GRK5: variants seen among roughly 807,000 people sequenced by gnomAD.
The protein encoded by GRK5 is g protein-coupled receptor kinase GRK5.
Under a neutral mutation model 78.4 loss-of-function variants are expected in GRK5, and 40 were observed. The ratio of observed to expected loss-of-function variants is 0.51; its 90% CI spans 0.40 to 0.66. The LOEUF (loss-of-function observed/expected upper bound fraction) is 0.66. GRK5 is among the 30% of genes least tolerant of loss of function. GRK5 has a pLI of 0.00. For synonymous variants in GRK5, 289 were observed against 296.8 expected (o/e 0.97, Z 0.27); for missense variants, 598 against 759.9 (o/e 0.79, Z 2.50).
At chr10:119,208,911 C>CTTT (rs149905601) in intron 1 of GRK5, among the ~76,000 whole-genome samples, 6 of 148,812 alleles carry the variant, frequency 4.0e-5, no homozygotes, top group African/African-American at 1.2e-4. Context: ...GCATATTTTC[C>CTTT]TTTTTTTTTT....
chr10:119,250,892 C>T (rs749077409), intron 1 of GRK5, among the ~76,000 whole-genome samples: 3 of 152,144 alleles, frequency 2.0e-5, no homozygotes, highest in South Asian at 2.1e-4. Context: ...ATAGATAACC[C>T]GTTGTTGGGT....
At chr10:119,437,800 T>C (rs1852953615) in intron 9 of GRK5, among the ~76,000 whole-genome samples, 1 of 152,178 alleles carries the variant, frequency 6.6e-6, no homozygotes, top group Non-Finnish European at 1.5e-5. Flanking sequence ...TCTCTAAGTG[T>C]TAAAATAACT....
intron 1 of GRK5, among the ~76,000 whole-genome samples, chr10:119,270,509 C>T (rs1228619231): frequency 6.6e-6 from 1 of 152,190 alleles, no homozygotes; most frequent in Non-Finnish European, 1.5e-5. Flanking sequence ...AATACTACAC[C>T]ATTTTATATC....
intron 3 of GRK5, among the ~76,000 whole-genome samples, chr10:119,392,921 C>T (rs2133844691): frequency 6.6e-6 from 1 of 152,386 alleles, no homozygotes; most frequent in Non-Finnish European, 1.5e-5. Context: ...CACACTCTTA[C>T]TTGCTGCTTA....
intron 15 of GRK5, among the ~76,000 whole-genome samples, chr10:119,453,854 A>C (rs1853345734): frequency 6.6e-6 from 1 of 152,216 alleles, no homozygotes; most frequent in Non-Finnish European, 1.5e-5. Context: ...TCTAGCTGGC[A>C]GCCAGAGGAG....
chr10:119,360,668 G>C (rs186369292), intron 2 of GRK5, among the ~76,000 whole-genome samples: 29 of 152,342 alleles, frequency 1.9e-4, no homozygotes, highest in African/African-American at 5.8e-4. Context: ...TGTGTGAGTG[G>C]GAGGAGCCCC....
chr10:119,331,356 C>T (rs913299692), intron 2 of GRK5, among the ~76,000 whole-genome samples: 7 of 152,226 alleles, frequency 4.6e-5, no homozygotes, highest in African/African-American at 9.6e-5. Flanking sequence ...GGCTGCAGCT[C>T]GTGGCCACGG....
chr10:119,432,664 T>G (rs1025144304), intron 8 of GRK5, among the ~76,000 whole-genome samples: 3 of 152,100 alleles, frequency 2.0e-5, no homozygotes, highest in African/African-American at 7.2e-5. Flanking sequence ...GATCTTTTTC[T>G]CCATCCAGAC....
chr10:119,257,808 C>T (rs557259790), intron 1 of GRK5, among the ~76,000 whole-genome samples: 23 of 152,278 alleles, frequency 1.5e-4, no homozygotes, highest in South Asian at 4.1e-4. Context: ...GGGGTGCCTC[C>T]GACTTGTGTG....
chr10:119,299,960 C>G (rs1446658991), intron 1 of GRK5, among the ~76,000 whole-genome samples: 1 of 152,152 alleles, frequency 6.6e-6, no homozygotes, highest in Admixed American at 6.5e-5. Flanking sequence ...TAGCCCTCCC[C>G]CTTCCCCACC....
At chr10:119,295,820 G>C (rs1850070590) in intron 1 of GRK5, among the ~76,000 whole-genome samples, 1 of 152,012 alleles carries the variant, frequency 6.6e-6, no homozygotes. Flanking sequence ...GTGGGGGGTG[G>C]TGGGGCATAA....
At position 119,207,730 on chromosome 10, in the gene GRK5, G is replaced by T; in HGVS notation, c.-188G>T. On this transcript the variant is annotated 5_prime_UTR_variant, in exon 1 of 16. Transcript: ENST00000392870. ...AGCGGCGGCGGCGGCGGCGGCGGCG[G>T]CGGCTCCTCTTTGCAGAGGGGGAAA... 2.6e-6 allele frequency: 1 copy of T among 391,722 alleles called. No individual in the cohort carries two copies. The highest frequency in any genetic ancestry group is 4.4e-6 in the Non-Finnish European group (1 of 227,938). 24.3% of individuals were successfully genotyped at this position (391,722 alleles called of 1,614,324 possible).
chr10:119,274,334 C>T (rs112595576), intron 1 of GRK5, among the ~76,000 whole-genome samples: 2 of 152,166 alleles, frequency 1.3e-5, no homozygotes, highest in South Asian at 2.1e-4. Context: ...ATAGAGCTAG[C>T]GACTGATAAG....
At chr10:119,419,115 C>T (rs897850085) in intron 4 of GRK5, among the ~76,000 whole-genome samples, 1 of 152,160 alleles carries the variant, frequency 6.6e-6, no homozygotes, top group Non-Finnish European at 1.5e-5. Context: ...AGGGTTCCCC[C>T]CTCTCCCTTC....
At chr10:119,294,592 T>A (rs1405533288) in intron 1 of GRK5, among the ~76,000 whole-genome samples, 1 of 152,128 alleles carries the variant, frequency 6.6e-6, no homozygotes, top group Non-Finnish European at 1.5e-5. Flanking sequence ...TCAGGAGATT[T>A]GGGTCTAGAC....
At chr10:119,363,746 C>T (rs776092701) in intron 2 of GRK5, among the ~76,000 whole-genome samples, 1 of 152,182 alleles carries the variant, frequency 6.6e-6, no homozygotes, top group Non-Finnish European at 1.5e-5. Flanking sequence ...AAGGGTGTTA[C>T]TCAGAACTAA....
chr10:119,369,879 GC>G (rs1851518691), intron 2 of GRK5, among the ~76,000 whole-genome samples: 1 of 152,150 alleles, frequency 6.6e-6, no homozygotes, highest in South Asian at 2.1e-4. Flanking sequence ...AAGTGGTCCT[GC>G]CGTTCCCTCA....
chr10:119,261,025 G>T (rs1472994926), intron 1 of GRK5, among the ~76,000 whole-genome samples: 3 of 142,918 alleles, frequency 2.1e-5, no homozygotes, highest in Admixed American at 6.9e-5. Context: ...GCGGCTGGCC[G>T]GGCAGGGGGC....
chr10:119,345,412 G>A (rs1005627495), intron 2 of GRK5, among the ~76,000 whole-genome samples: 42 of 152,028 alleles, frequency 2.8e-4, no homozygotes, highest in African/African-American at 8.9e-4. Context: ...GTTTCCCACA[G>A]GGGCTTCCTA....
Sources: allele counts gnomAD v4.1 joint callset (sites outside exome capture counted in the v4.1 genomes callset), GRCh38; gene constraint gnomAD v4.1.1; transcripts MANE v1.5; gene names NCBI Gene and HGNC (gene_info 2026-07-23, HGNC 2026-07-21).